The following ERICH1 variants were observed in gnomAD, a reference collection of about 807,000 sequenced individuals.
ERICH1 encodes the protein glutamate-rich protein 1.
A neutral mutation model predicts 39.6 loss-of-function variants in ERICH1; 56 were observed. The observed-to-expected ratio is 1.41, with a 90% confidence interval of 1.14 to 1.77. The LOEUF (loss-of-function observed/expected upper bound fraction) is 1.77. ERICH1 is among the 40% of genes most tolerant of loss of function. The pLI is 0.00. For synonymous variants in ERICH1, 313 were observed against 223.6 expected (o/e 1.40, Z -3.57); for missense variants, 826 against 575.4 (o/e 1.44, Z -4.45).
At chr8:656,893 T>A in intron 3 of ERICH1, 1 of 948,838 alleles carries the variant, frequency 1.1e-6, no homozygotes. Context: ...CATTATGGAT[T>A]AATTCATTTA....
At chr8:626,697 T>C (rs1584947108) in intron 3 of ERICH1, 1 of 172,312 alleles carries the variant, frequency 5.8e-6, no homozygotes, top group Non-Finnish European at 1.3e-5. Context: ...GCCTAGAGGG[T>C]GTTCCAGCTG....
At chr8:694,994 A>G (rs920585174) in intron 2 of ERICH1, among the ~76,000 whole-genome samples, 4 of 152,118 alleles carry the variant, frequency 2.6e-5, no homozygotes, top group African/African-American at 9.7e-5. Flanking sequence ...ACAAGTCACA[A>G]GCACCAGCAT....
intron 3 of ERICH1, among the ~76,000 whole-genome samples, chr8:674,535 C>T (rs1027867152): frequency 2.0e-5 from 3 of 152,138 alleles, no homozygotes; most frequent in African/African-American, 7.2e-5. Context: ...AACTCCTGGT[C>T]TCAAGTGATC....
At position 647,943 on chromosome 8, in the gene ERICH1, C is replaced by T. The variant is rs1477162632; in HGVS notation, c.976+20655G>A. ...CTGTGTGCGCCTGCAAGTTAAAACT[C>T]ACTGCATCAGTTACTGAAAGGAGGA... On this transcript the variant is annotated intron_variant, in intron 3 of 3. Transcript: ENST00000522706. Among the ~76,000 whole-genome samples, 2 of 67,582 alleles carry T rather than the reference C, an allele frequency of 3.0e-5. 1 individual carries two copies. The highest frequency in any genetic ancestry group is 7.7e-5 in the African/African-American group (2 of 25,914). 44.3% of individuals were successfully genotyped at this position (67,582 alleles called of 152,430 possible).
Position 727,887 on chromosome 8 carries a change from C to A in ERICH1, c.22+3253G>T, listed in dbSNP as rs573649769. Among the ~76,000 whole-genome samples, 4 of 152,318 alleles carry A rather than the reference C, an allele frequency of 2.6e-5. No homozygotes were observed. The South Asian group carries it at 8.3e-4, about 32-fold the overall frequency. Reference sequence around the variant, plus strand: ...TGCAGTGAGACGAATGCAGGGGGCACTGTGGGGCAGGGACTCTGCTTAAAT... The same window carrying A: ...TGCAGTGAGACGAATGCAGGGGGCAATGTGGGGCAGGGACTCTGCTTAAAT... On this transcript the variant is annotated intron_variant, in intron 1 of 5. Coordinates refer to ENST00000262109, the MANE Select transcript of ERICH1 (RefSeq NM_207332.3).
At chr8:700,237 C>CGCACACG (rs1213256577) in intron 2 of ERICH1, among the ~76,000 whole-genome samples, 1 of 40,770 alleles carries the variant, frequency 2.5e-5, no homozygotes, top group Non-Finnish European at 5.7e-5. Context: ...GCGCACAGGC[C>CGCACACG]CGCACAGGCC....
chr8:701,066 T>C (rs1811996212), intron 2 of ERICH1, among the ~76,000 whole-genome samples: 1 of 151,732 alleles, frequency 6.6e-6, no homozygotes, highest in African/African-American at 2.4e-5. Context: ...TGCAAACACA[T>C]TTTCAAGATT....
intron 3 of ERICH1, among the ~76,000 whole-genome samples, chr8:632,417 A>G (rs1185196216): frequency 1.3e-5 from 2 of 152,246 alleles, no homozygotes; most frequent in Admixed American, 6.5e-5. Context: ...GAAAGATCAA[A>G]TAGACCAAAG....
In ERICH1 at chr8:715,966, GA is replaced by G; in HGVS notation, c.63del (p.Pro22GlnfsTer21). On this transcript the variant is annotated frameshift_variant, in exon 2 of 6. Coordinates refer to ENST00000262109, the MANE Select transcript of ERICH1 (RefSeq NM_207332.3). LOFTEE classifies it high-confidence loss of function. ...EKVLQRLFPP[V>X]PSGQGKREPQ... is the part of the protein sequence containing the mutation. ...GGTTCCCTCTTTCCTTGGCCACTTGGAACAGGAGGAAAAAGTCTCTGCAGCA... is the reference window on the plus strand; with the variant it reads ...GGTTCCCTCTTTCCTTGGCCACTTGGACAGGAGGAAAAAGTCTCTGCAGCA... 6.2e-7 allele frequency: 1 copy of G among 1,613,428 alleles called. No homozygotes were observed. Among genetic ancestry groups the G allele is most frequent in the Non-Finnish European group, 8.5e-7 (1 of 1,179,794 alleles).
chr8:729,687 G>A (rs758491648), intron 1 of ERICH1, among the ~76,000 whole-genome samples: 3 of 151,860 alleles, frequency 2.0e-5, no homozygotes, highest in South Asian at 2.1e-4. Context: ...CTTAAACAAC[G>A]TAAATTTACT....
At chr8:679,517 T>C (rs1232241461) in intron 3 of ERICH1, among the ~76,000 whole-genome samples, 2 of 148,882 alleles carry the variant, frequency 1.3e-5, no homozygotes, top group Non-Finnish European at 3.0e-5. Context: ...GACAAGGGCA[T>C]TGCAAGAAGG....
At chr8:690,676 C>A (rs1422149858) in intron 3 of ERICH1, among the ~76,000 whole-genome samples, 1 of 152,256 alleles carries the variant, frequency 6.6e-6, no homozygotes, top group African/African-American at 2.4e-5. Flanking sequence ...TGTGGGGATG[C>A]CCCGGCGCAG....
intron 1 of ERICH1, 112 bp from the exon 2 acceptor site, chr8:716,119 A>C: frequency 7.6e-7 from 1 of 1,313,888 alleles, no homozygotes; most frequent in Non-Finnish European, 1.0e-6. Flanking sequence ...GAAAGCACCA[A>C]CGGAGACCCA....
At chr8:680,324 G>C (rs368164976) in intron 3 of ERICH1, among the ~76,000 whole-genome samples, 1 of 120,256 alleles carries the variant, frequency 8.3e-6, no homozygotes, top group South Asian at 3.5e-4. Context: ...GAAGATGCAA[G>C]AGAATCCACA....
chr8:692,951 C>T lies in ERICH1; in HGVS notation c.170-339G>A, dbSNP rs76744750. On this transcript the variant is annotated intron_variant, in intron 2 of 5. Transcript: ENST00000262109. The stretch of plus-strand genomic sequence containing the variant: ...AAAGCAGCAAAATATAAACAGTTTG[C>T]ACGACACACCCTTTATCATCACACG... Among the ~76,000 whole-genome samples the T allele has an allele frequency of 4.0e-3, 603 of 152,258 alleles. 5 individuals are homozygous for T. Among genetic ancestry groups the T allele is most frequent in the African/African-American group, 0.014 (570 of 41,544 alleles).
intron 1 of ERICH1, among the ~76,000 whole-genome samples, chr8:721,097 A>G (rs1177253479): frequency 1.3e-5 from 2 of 152,368 alleles, no homozygotes; most frequent in African/African-American, 2.4e-5. Context: ...GTCAAAATGG[A>G]TATCTCATTA....
intron 2 of ERICH1, among the ~76,000 whole-genome samples, chr8:710,171 T>A (rs1045019642): frequency 6.6e-6 from 1 of 152,204 alleles, no homozygotes; most frequent in Non-Finnish European, 1.5e-5. Flanking sequence ...TTCACTCTCG[T>A]ACATCCTGTG....
At chr8:623,309 G>A (rs185275193) in intron 3 of ERICH1, among the ~76,000 whole-genome samples, 141 of 152,242 alleles carry the variant, frequency 9.3e-4, no homozygotes, top group African/African-American at 3.2e-3. Flanking sequence ...CCCAATAGAC[G>A]CAGGAAAGAA....
intron 2 of ERICH1, among the ~76,000 whole-genome samples, chr8:699,079 C>T (rs1404301884): frequency 1.3e-5 from 2 of 151,954 alleles, no homozygotes; most frequent in Non-Finnish European, 2.9e-5. Context: ...AAGAGCACCG[C>T]ACTACGGCCT....
Sources: allele counts gnomAD v4.1 joint callset (sites outside exome capture counted in the v4.1 genomes callset), GRCh38; gene constraint gnomAD v4.1.1; transcripts MANE v1.5; gene names NCBI Gene and HGNC (gene_info 2026-07-23, HGNC 2026-07-21).